UBE3D: variants seen among roughly 807,000 people sequenced by gnomAD.
UBE3D encodes E3 ubiquitin-protein ligase E3D.
Under a neutral mutation model 49.6 loss-of-function variants are expected in UBE3D, and 48 were observed. The observed-to-expected ratio is 0.97, with a 90% CI of 0.77 to 1.23. The LOEUF (loss-of-function observed/expected upper bound fraction) is 1.23, where lower values mean the gene tolerates loss of function less well. UBE3D is among the 50% of genes most tolerant of loss of function. The pLI, the probability that UBE3D is intolerant of heterozygous loss-of-function variation, is 0.00. For synonymous variants in UBE3D, 189 were observed against 174.2 expected, an observed-to-expected ratio of 1.08 and a Z score of -0.67; for missense variants, 452 against 468.4, an observed-to-expected ratio of 0.96 and a Z score of 0.32.
intron 8 of UBE3D, among the ~76,000 whole-genome samples, chr6:83,010,537 A>G (rs544088780): frequency 6.6e-6 from 1 of 152,314 alleles, no homozygotes; most frequent in South Asian, 2.1e-4. Flanking sequence ...CATCAGGCAA[A>G]TGTATTAGTA....
intron 9 of UBE3D, among the ~76,000 whole-genome samples, chr6:82,947,295 A>G (rs1057283423): frequency 5.3e-5 from 8 of 151,984 alleles, no homozygotes; most frequent in Non-Finnish European, 1.0e-4. Context: ...GCACCCAGAT[A>G]TGTAAAGAAA....
intron 3 of UBE3D, 63 bp downstream of exon 3, chr6:83,054,085 T>G: frequency 7.1e-7 from 1 of 1,411,672 alleles, no homozygotes; most frequent in South Asian, 1.2e-5. Context: ...TGAAAAATTC[T>G]GATAGAAAAA....
chr6:83,019,053 G>A lies in UBE3D; in HGVS notation c.930C>T (p.Asn310=). Residue 310 remains asparagine (N), a synonymous_variant, in exon 8 of 10, where the codon AAC becomes AAT. Transcript: ENST00000369747. ...KYIKKFPLLE[N]TFKADSSSAW... The stretch of plus-strand genomic sequence containing the variant: ...CAGAACTAGAATCGGCTTTGAATGT[G>A]TTTTCCAACAAGGGGAATTTTTTGA... 6.2e-7 allele frequency: 1 copy of A among 1,613,848 alleles called. No homozygotes were observed. The highest frequency in any genetic ancestry group is 2.2e-5 in the East Asian group (1 of 44,838).
intron 1 of UBE3D, among the ~76,000 whole-genome samples, chr6:83,062,218 C>T (rs879472318): frequency 6.6e-5 from 10 of 152,122 alleles, no homozygotes; most frequent in Non-Finnish European, 1.2e-4. Context: ...ATTTTTGGCA[C>T]TAGAGTAAGA....
the UBE3D span, among the ~76,000 whole-genome samples, chr6:82,882,049 A>C: frequency 5.3e-5 from 8 of 152,056 alleles, no homozygotes; most frequent in Non-Finnish European, 1.2e-4. Flanking sequence ...ATGCTCTCCA[A>C]AGGAACCGAT....
intron 9 of UBE3D, among the ~76,000 whole-genome samples, chr6:82,947,359 C>A (rs1445646030): frequency 1.3e-5 from 2 of 151,392 alleles, no homozygotes; most frequent in African/African-American, 4.9e-5. Context: ...GAGACTTCAA[C>A]ACCCCACTTT....
At chr6:82,929,684 C>T (rs1774004752) in intron 9 of UBE3D, among the ~76,000 whole-genome samples, 1 of 151,976 alleles carries the variant, frequency 6.6e-6, no homozygotes, top group Admixed American at 6.6e-5. Context: ...GCTAAAAAGC[C>T]CTTCTCTTCT....
In UBE3D at chr6:83,021,070, C is replaced by T. The variant is rs539845380; in HGVS notation, c.846+1383G>A. Among the ~76,000 whole-genome samples, 276 of 152,212 alleles carry T rather than the reference C, an allele frequency of 1.8e-3. 1 individual carries two copies. The highest frequency in any genetic ancestry group is 6.0e-3 in the African/African-American group (250 of 41,538). Reference sequence around the variant, plus strand: ...GGTACATGCTGGGATGATTGCTAGCCACAGAGCCTCTTCCTCAAAAATTGC... The same window carrying T: ...GGTACATGCTGGGATGATTGCTAGCTACAGAGCCTCTTCCTCAAAAATTGC... On this transcript the variant is annotated intron_variant, in intron 7 of 9. Transcript: ENST00000369747.
rs900761878 is a variant in UBE3D at position 83,025,228 on chromosome 6, G to A, written c.668-1190C>T. On this transcript the variant is annotated intron_variant, in intron 5 of 9. Coordinates refer to ENST00000369747, the MANE Select transcript of UBE3D (RefSeq NM_198920.3). ...TCACAGCATCCCAAAACACAGATGCGGTGAACCTCACATTAGAATCTACCC... is the reference window on the plus strand; with the variant it reads ...TCACAGCATCCCAAAACACAGATGCAGTGAACCTCACATTAGAATCTACCC... 3.3e-5 allele frequency among the ~76,000 whole-genome samples: 5 copies of A among 151,972 alleles called. No individual in the cohort carries two copies. In the East Asian group the frequency reaches 7.7e-4, roughly 23 times the overall value.
chr6:82,942,505 C>T lies in UBE3D; in HGVS notation c.1149+14807G>A, dbSNP rs371138739. On this transcript the variant is annotated intron_variant, in intron 9 of 9. Coordinates refer to ENST00000369747, the MANE Select transcript of UBE3D (RefSeq NM_198920.3). ...CAGAGACCTTCAGGGCAGCCCCTCC[C>T]ATCACAGGCCCAGAGTGCTAGGAGG... is the stretch of plus-strand genomic sequence containing the variant. Among the ~76,000 whole-genome samples, 316 of 152,352 alleles carry T rather than the reference C, an allele frequency of 2.1e-3. 2 individuals are homozygous for T. The highest frequency in any genetic ancestry group is 7.2e-3 in the African/African-American group (298 of 41,598).
rs573826706 is a variant in UBE3D, at chr6:83,056,567, A to G, written c.274+1259T>C. Among the ~76,000 whole-genome samples the G allele has an allele frequency of 3.8e-4, 58 of 152,306 alleles. 1 individual carries two copies. The South Asian group carries it at 8.3e-3, about 22-fold the overall frequency. On this transcript the variant is annotated intron_variant, in intron 2 of 9. Transcript: ENST00000369747. ...TCCTACAACATTTAAGTGCCATGAC[A>G]TCTCTTTTCCCTACCCTTTGTTCCT...
At chr6:82,928,558 C>T (rs761091034) in intron 9 of UBE3D, among the ~76,000 whole-genome samples, 5 of 152,120 alleles carry the variant, frequency 3.3e-5, no homozygotes, top group African/African-American at 4.8e-5. Flanking sequence ...ATATTAGCCC[C>T]TCTGCACATT....
At chr6:82,995,479 A>C (rs1474749046) in intron 8 of UBE3D, among the ~76,000 whole-genome samples, 1 of 77,182 alleles carries the variant, frequency 1.3e-5, no homozygotes, top group African/African-American at 4.7e-5. Flanking sequence ...ATAAAGGATT[A>C]ATACTAACAA....
chr6:83,065,738 A>T lies in UBE3D; in HGVS notation c.-20T>A. The T allele has an allele frequency of 1.2e-6, 2 of 1,604,380 alleles. No homozygotes were observed. The highest frequency in any genetic ancestry group is 2.2e-5 in the South Asian group (2 of 89,564). ...CGCCATGGCAGGCTTCCAGTCCCAG[A>T]CCGGACCAAGCTGGAGGTTCCGAGG... On this transcript the variant is annotated 5_prime_UTR_variant, in exon 1 of 10. Coordinates refer to ENST00000369747, the MANE Select transcript of UBE3D (RefSeq NM_198920.3).
intron 9 of UBE3D, among the ~76,000 whole-genome samples, chr6:82,934,200 C>T (rs1028624017): frequency 1.3e-5 from 2 of 152,168 alleles, no homozygotes; most frequent in African/African-American, 2.4e-5. Flanking sequence ...ACATGCCTTG[C>T]TTCCCCTTCC....
At chr6:82,944,184 A>G (rs1262913750) in intron 9 of UBE3D, among the ~76,000 whole-genome samples, 1 of 152,118 alleles carries the variant, frequency 6.6e-6, no homozygotes, top group Non-Finnish European at 1.5e-5. Context: ...AGGCAACACA[A>G]CTCCAAAAGA....
intron 8 of UBE3D, among the ~76,000 whole-genome samples, chr6:82,972,936 T>A (rs1382949659): frequency 6.6e-6 from 1 of 152,310 alleles, no homozygotes. Context: ...CACATATGTT[T>A]AACAGTATTG....
intron 1 of UBE3D, among the ~76,000 whole-genome samples, chr6:83,063,570 CAA>C (rs1384753406): frequency 6.6e-6 from 1 of 150,694 alleles, no homozygotes; most frequent in African/African-American, 2.4e-5. Flanking sequence ...TGATTATGGG[CAA>C]AAAAAATTAG....
intron 9 of UBE3D, among the ~76,000 whole-genome samples, chr6:82,952,245 G>GTTGTGCACCTGTGCTCAGT (rs1775854924): frequency 6.6e-6 from 1 of 152,056 alleles, no homozygotes; most frequent in Non-Finnish European, 1.5e-5. Context: ...GCTTGGGAAT[G>GTTGTGCACCTGTGCTCAGT]TTGTGCACCT....
Sources: gnomAD v4.1 joint callset for allele counts (sites outside exome capture counted in the v4.1 genomes callset) on GRCh38, gnomAD v4.1.1 for gene constraint, MANE v1.5 for transcripts, NCBI Gene and HGNC (gene_info 2026-07-23, HGNC 2026-07-21) for gene names.